The following KDM3B variants were observed in gnomAD, a reference collection of about 807,000 sequenced individuals.
KDM3B encodes the protein lysine-specific demethylase 3B.
KDM3B carries 10 observed loss-of-function variants against 170.0 expected under a neutral mutation model. That is an observed-to-expected ratio of 0.06 (90% CI 0.04 to 0.10). The LOEUF (loss-of-function observed/expected upper bound fraction) is 0.10, where lower values mean the gene tolerates loss of function less well. Among genes scored for constraint, KDM3B ranks in the 10% least tolerant of loss-of-function variants. The pLI, the probability that KDM3B is intolerant of heterozygous loss-of-function variation, is 1.00. For missense variants in KDM3B, 1,394 were observed against 2,195.2 expected (o/e 0.64, Z 7.29); for synonymous variants, 831 against 834.8 (o/e 1.00, Z 0.08).
At chr5:138,398,820 C>G (rs942771466) in intron 10 of KDM3B, among the ~76,000 whole-genome samples, 3 of 151,470 alleles carry the variant, frequency 2.0e-5, no homozygotes, top group African/African-American at 7.3e-5. Context: ...ATTTCCATGT[C>G]TGTAAGATAC....
At position 138,391,327 on chromosome 5, in the gene KDM3B, C is replaced by G. The variant is rs898304009; in HGVS notation, c.1695C>G (p.Ser565Arg). 4 of 1,614,064 alleles carry G rather than the reference C, an allele frequency of 2.5e-6. No homozygotes were observed. The highest frequency in any genetic ancestry group is 2.5e-6 in the Non-Finnish European group (3 of 1,180,032). Reference sequence around the variant, plus strand: ...TCAAACAAAGCCTTGAGAGCCTGAGCTCAGGCCTGTGTAAAGGCAGATCCG... The same window carrying G: ...TCAAACAAAGCCTTGAGAGCCTGAGGTCAGGCCTGTGTAAAGGCAGATCCG... ...DSFKQSLESLSSGLCKGRSVL... is the reference protein window; with the variant it reads ...DSFKQSLESLRSGLCKGRSVL... Residue 565 changes from serine (S) to arginine (R), a missense_variant, in exon 8 of 24, where the codon AGC (serine) becomes AGG (arginine). Coordinates refer to ENST00000314358, the MANE Select transcript of KDM3B (RefSeq NM_016604.4). This position sits in a 1 kb window ranked among gnomAD's most constrained non-coding sequence, Gnocchi z 5.0.
chr5:138,383,693 G>C (rs553950816), intron 6 of KDM3B, among the ~76,000 whole-genome samples: 3 of 152,252 alleles, frequency 2.0e-5, no homozygotes, highest in Non-Finnish European at 4.4e-5. Flanking sequence ...GAATTTAAAA[G>C]CTTTTAAAAA....
chr5:138,399,829 C>G (rs1762638039), intron 10 of KDM3B, 31 bp from the exon 11 acceptor site: 1 of 1,602,736 alleles, frequency 6.2e-7, no homozygotes, highest in Non-Finnish European at 8.5e-7. Flanking sequence ...TCAGGATGAT[C>G]AATGCCAATT....
intron 11 of KDM3B, 115 bp from the exon 12 acceptor site, chr5:138,415,017 C>G: frequency 7.3e-6 from 4 of 544,864 alleles, no homozygotes; most frequent in East Asian, 2.8e-5. Context: ...TTTAAGTTAG[C>G]TGTTATCTCC....
At chr5:138,357,121 G>A (rs1283701491) in intron 1 of KDM3B, among the ~76,000 whole-genome samples, 2 of 151,936 alleles carry the variant, frequency 1.3e-5, no homozygotes, top group African/African-American at 4.8e-5. Context: ...ATCCTCCCAG[G>A]GACTACAGGC....
intron 3 of KDM3B, among the ~76,000 whole-genome samples, chr5:138,376,545 T>G (rs746493113): frequency 4.0e-5 from 6 of 151,170 alleles, no homozygotes; most frequent in Non-Finnish European, 7.4e-5. Flanking sequence ...TCTACTAAAA[T>G]ACAAAAAAAT....
At chr5:138,431,352 A>C (rs992122415) in intron 22 of KDM3B, 73 bp from the exon 23 acceptor site, 5 of 1,287,740 alleles carry the variant, frequency 3.9e-6, no homozygotes, top group Non-Finnish European at 4.2e-6. Context: ...TTTTAACTAT[A>C]TCATGGACAT....
At chr5:138,353,100 C>T (rs1279701623) in intron 1 of KDM3B, 113 bp downstream of exon 1, 2 of 900,484 alleles carry the variant, frequency 2.2e-6, no homozygotes, top group African/African-American at 1.7e-5. Context: ...TTTCCGTGCC[C>T]CCGGGTCTCC....
intron 5 of KDM3B, among the ~76,000 whole-genome samples, chr5:138,380,275 C>T (rs978880327): frequency 1.3e-5 from 2 of 150,914 alleles, no homozygotes; most frequent in Non-Finnish European, 2.9e-5. Flanking sequence ...GCATGAACCA[C>T]TGCACCCGGC....
intron 16 of KDM3B, 121 bp from the exon 17 acceptor site, chr5:138,425,290 G>C (rs572510911): frequency 2.5e-6 from 2 of 811,322 alleles, no homozygotes; most frequent in Admixed American, 5.6e-5. Context: ...AACTAGGAAA[G>C]AACAGTAGAG....
At position 138,372,663 on chromosome 5, in the gene KDM3B, A is replaced by G. The variant is rs201834915; in HGVS notation, c.193-11A>G. The G allele has an allele frequency of 9.3e-5, 149 of 1,607,020 alleles. No homozygotes were observed. The highest frequency in any genetic ancestry group is 1.3e-4 in the African/African-American group (10 of 74,798). ...AAGTGTGACTTCCAAACTGCTTTTT[A>G]TCTCTTGCAGATCTTTGTAGAATTT... On this transcript the variant is annotated splice_polypyrimidine_tract_variant and intron_variant, in intron 1 of 23. Transcript: ENST00000314358.
Position 138,419,100 on chromosome 5 carries a change from G to A in KDM3B, c.3583G>A (p.Asp1195Asn). 1.2e-6 allele frequency: 2 copies of A among 1,614,198 alleles called. No homozygotes were observed. Among genetic ancestry groups the A allele is most frequent in the Non-Finnish European group, 1.7e-6 (2 of 1,180,046 alleles). ...DIRSEEPLKT[D>N]SSASNSNSEL... is the part of the protein sequence containing the mutation. ...CAGATCTGAAGAGCCTCTGAAAACAGACAGTTCGGCATCAAATAGCAATAG... is the reference window on the plus strand; with the variant it reads ...CAGATCTGAAGAGCCTCTGAAAACAAACAGTTCGGCATCAAATAGCAATAG... Residue 1195 changes from aspartate to asparagine, a missense_variant, in exon 14 of 24, where the codon GAC (aspartate) becomes AAC (asparagine). Physicochemically the swap from Asp to Asn is conservative, Grantham distance 23 (BLOSUM62 1). Coordinates refer to ENST00000314358, the MANE Select transcript of KDM3B (RefSeq NM_016604.4).
intron 14 of KDM3B, among the ~76,000 whole-genome samples, chr5:138,419,652 CA>C (rs1170205178): frequency 0.14 from 6,570 of 46,962 alleles, 300 homozygotes; most frequent in Non-Finnish European, 0.18. Context: ...GACTCTGTCT[CA>C]AAAAAAAAAA....
rs1762021914 is a variant in KDM3B at position 138,377,254 on chromosome 5, A to T, written c.475-466A>T. 2.0e-5 allele frequency among the ~76,000 whole-genome samples: 3 copies of T among 152,244 alleles called. No homozygotes were observed. The South Asian group carries it at 6.2e-4, about 31-fold the overall frequency. On this transcript the variant is annotated intron_variant, in intron 3 of 23. Transcript: ENST00000314358. ...AGATTTGCGAGGAATACAATGTTTT[A>T]TGGTCAGATAAGTATGAGAAACACT... is the stretch of plus-strand genomic sequence containing the variant.
intron 2 of KDM3B, among the ~76,000 whole-genome samples, chr5:138,374,655 A>G (rs1761953270): frequency 6.6e-6 from 1 of 152,182 alleles, no homozygotes; most frequent in Non-Finnish European, 1.5e-5. Context: ...TTTATAGGCT[A>G]TTTATTTATG....
intron 20 of KDM3B, 135 bp from the exon 21 acceptor site, chr5:138,429,691 A>G (rs144346501): frequency 3.5e-5 from 33 of 930,956 alleles, no homozygotes; most frequent in East Asian, 2.7e-4. Flanking sequence ...ACCAGTATCA[A>G]TTTTCTGATT....
intron 9 of KDM3B, chr5:138,397,951 A>G (rs1327119214): frequency 4.7e-6 from 2 of 421,124 alleles, no homozygotes; most frequent in Non-Finnish European, 4.2e-6. Context: ...GTGAATGGAA[A>G]AACTAAGAGG....
Position 138,405,071 on chromosome 5 carries a change from T to C in KDM3B, c.3199+5059T>C, listed in dbSNP as rs559941996. On this transcript the variant is annotated intron_variant, in intron 11 of 23. Coordinates refer to ENST00000314358, the MANE Select transcript of KDM3B (RefSeq NM_016604.4). ...ATTTTTTTTTTTTTTTGAGACAGAG[T>C]GTCGTACTGTCGACCAGGCTGGAGT... is the stretch of plus-strand genomic sequence containing the variant. 1.6e-3 allele frequency among the ~76,000 whole-genome samples: 206 copies of C among 130,968 alleles called. 1 individual carries two copies. The highest frequency in any genetic ancestry group is 5.7e-3 in the African/African-American group (193 of 33,966). 85.9% of individuals were successfully genotyped at this position (130,968 alleles called of 152,430 possible). A position where few individuals can be genotyped will look rare whatever the true frequency, so the allele number is the denominator to read the frequency against.
At chr5:138,360,147 G>A (rs572522971) in intron 1 of KDM3B, among the ~76,000 whole-genome samples, 4 of 152,162 alleles carry the variant, frequency 2.6e-5, no homozygotes, top group South Asian at 2.1e-4. Flanking sequence ...TGTACAATTC[G>A]CTACCTATGG....
Sources: gnomAD v4.1 joint callset for allele counts (sites outside exome capture counted in the v4.1 genomes callset) on GRCh38, gnomAD v4.1.1 for gene constraint, Gnocchi (gnomAD v3.1) non-coding constraint, MANE v1.5 for transcripts, NCBI Gene and HGNC (gene_info 2026-07-23, HGNC 2026-07-21) for gene names.